The following NAALADL2 variants were observed in gnomAD, a reference collection of about 807,000 sequenced individuals.
NAALADL2 encodes inactive N-acetylated-alpha-linked acidic dipeptidase-like protein 2.
NAALADL2 carries 76 observed loss-of-function variants against 87.2 expected under a neutral mutation model. The ratio of observed to expected loss-of-function variants is 0.87; its 90% confidence interval spans 0.72 to 1.05. The LOEUF (loss-of-function observed/expected upper bound fraction) is 1.05, where lower values mean the gene tolerates loss of function less well. Ranked by LOEUF, NAALADL2 falls within the 50% of genes least tolerant of loss-of-function variation. The pLI is 0.00. For synonymous variants in NAALADL2, 354 were observed against 331.0 expected (o/e 1.07, Z -0.75); for missense variants, 1,089 against 945.8 (o/e 1.15, Z -1.99).
At chr3:174,935,545 CAATAGT>C (rs1349655194) in intron 1 of NAALADL2, among the ~76,000 whole-genome samples, 1 of 152,030 alleles carries the variant, frequency 6.6e-6, no homozygotes, top group African/African-American at 2.4e-5. Context: ...GATGGAGGGG[CAATAGT>C]ACTGGAAATA....
chr3:175,108,868 G>T (rs530389947), intron 2 of NAALADL2, among the ~76,000 whole-genome samples: 2 of 151,872 alleles, frequency 1.3e-5, no homozygotes, highest in African/African-American at 4.8e-5. Context: ...AATTGTGTCA[G>T]GTTTTTATAA....
At position 174,542,605 on chromosome 3, in the gene NAALADL2, G is replaced by A. The variant is rs116024083; in HGVS notation, c.-183-7964G>A. 3.4e-3 allele frequency among the ~76,000 whole-genome samples: 519 copies of A among 152,272 alleles called. 4 individuals carry two copies. The highest frequency in any genetic ancestry group is 0.012 in the African/African-American group (496 of 41,552). On this transcript the variant is annotated intron_variant, in intron 1 of 3. Coordinates refer to the NAALADL2 transcript ENST00000434257. The stretch of plus-strand genomic sequence containing the variant: ...ATCAAAGGTCCCAGGAAAGGTAAAA[G>A]CCAGATAAGACTTCAGAGGGTGCTT...
In NAALADL2 at chr3:175,319,801, C is replaced by T. The variant is rs534164656; in HGVS notation, c.940-4374C>T. Reference sequence around the variant, plus strand: ...CACCACTGCAATCCAGCCTGGGCGACAGAGCGAGACTGTGTTTCAAAAAAT... The same window carrying T: ...CACCACTGCAATCCAGCCTGGGCGATAGAGCGAGACTGTGTTTCAAAAAAT... On this transcript the variant is annotated intron_variant, in intron 4 of 13. Coordinates refer to ENST00000454872, the MANE Select transcript of NAALADL2 (RefSeq NM_207015.3). Among the ~76,000 whole-genome samples, 3 of 152,224 alleles carry T rather than the reference C, an allele frequency of 2.0e-5. No individual in the cohort carries two copies. In the East Asian group the frequency reaches 5.8e-4, roughly 29 times the overall value.
chr3:175,674,840 A>G (rs1734545530), intron 11 of NAALADL2, among the ~76,000 whole-genome samples: 1 of 152,214 alleles, frequency 6.6e-6, no homozygotes, highest in African/African-American at 2.4e-5. Context: ...AAAACACTGT[A>G]TAGGTACTTT....
At chr3:174,875,233 T>C (rs1028019827) in intron 1 of NAALADL2, among the ~76,000 whole-genome samples, 7 of 151,662 alleles carry the variant, frequency 4.6e-5, no homozygotes, top group Non-Finnish European at 1.0e-4. Context: ...AATTCTAGGA[T>C]TTCTGACTTA....
intron 11 of NAALADL2, chr3:175,655,694 A>G (rs1279120039): frequency 2.4e-5 from 3 of 124,936 alleles, no homozygotes; most frequent in African/African-American, 1.3e-4. Flanking sequence ...ACTTAAAAAA[A>G]TAAATAAAAT....
At chr3:175,244,964 G>A (rs1418605319) in intron 3 of NAALADL2, among the ~76,000 whole-genome samples, 2 of 152,118 alleles carry the variant, frequency 1.3e-5, no homozygotes, top group African/African-American at 4.8e-5. Context: ...GGGACCTTTT[G>A]TAACTCATTT....
At chr3:175,590,026 C>T (rs1721163013) in intron 10 of NAALADL2, among the ~76,000 whole-genome samples, 1 of 151,916 alleles carries the variant, frequency 6.6e-6, no homozygotes, top group South Asian at 2.1e-4. Context: ...TCCTGGCTAA[C>T]ACGGTGAAGC....
chr3:174,493,306 A>G (rs1718320015), intron 1 of NAALADL2, among the ~76,000 whole-genome samples: 1 of 152,202 alleles, frequency 6.6e-6, no homozygotes, highest in Non-Finnish European at 1.5e-5. Context: ...TCTTACTGAA[A>G]GAATAAATTT....
At position 175,017,285 on chromosome 3, in the gene NAALADL2, C is replaced by T. The variant is rs143806362; in HGVS notation, c.44-79505C>T. 4.1e-3 allele frequency among the ~76,000 whole-genome samples: 620 copies of T among 151,974 alleles called. 9 individuals carry two copies. The highest frequency in any genetic ancestry group is 0.014 in the African/African-American group (584 of 41,478). On this transcript the variant is annotated intron_variant, in intron 1 of 13. Coordinates refer to ENST00000454872, the MANE Select transcript of NAALADL2 (RefSeq NM_207015.3). ...AAATAAAATAGCCAGACACTATTTT[C>T]GAAGTTCCTGTTATGTTGTAAGCAT...
chr3:174,789,113 C>A (rs1717148998), intron 3 of NAALADL2, among the ~76,000 whole-genome samples: 1 of 152,094 alleles, frequency 6.6e-6, no homozygotes, highest in Non-Finnish European at 1.5e-5. Flanking sequence ...TGGAAGAGAG[C>A]AAAATGTTTT....
chr3:175,664,839 AT>A (rs908031193), intron 11 of NAALADL2, among the ~76,000 whole-genome samples: 12 of 151,912 alleles, frequency 7.9e-5, no homozygotes, highest in South Asian at 4.1e-4. Flanking sequence ...AAGTGGTTTG[AT>A]TTTTTTTCCT....
At chr3:175,748,765 G>C (rs771896999) in intron 12 of NAALADL2, among the ~76,000 whole-genome samples, 1 of 152,018 alleles carries the variant, frequency 6.6e-6, no homozygotes, top group Non-Finnish European at 1.5e-5. Context: ...GAGTAGGAAA[G>C]TCCAAAGAGA....
At chr3:174,842,347 G>A (rs59466819) in intron 3 of NAALADL2, among the ~76,000 whole-genome samples, 2,533 of 152,118 alleles carry the variant, frequency 0.017, 71 homozygotes, top group African/African-American at 0.059. Context: ...CACTGCACCT[G>A]GCCACATTTA....
chr3:175,191,152 A>G lies in NAALADL2; in HGVS notation c.546-42779A>G, dbSNP rs993136758. ...TGCCACAAAAAAGGAGGGAGGGCTA[A>G]CTATGTGAGATGATGAATATGTTAA... On this transcript the variant is annotated intron_variant, in intron 2 of 13. Transcript: ENST00000454872. 3.3e-5 allele frequency among the ~76,000 whole-genome samples: 5 copies of G among 152,288 alleles called. No homozygotes were observed. In the South Asian group the frequency reaches 1.0e-3, roughly 32 times the overall value.
At chr3:175,356,394 T>G (rs1416769898) in intron 5 of NAALADL2, among the ~76,000 whole-genome samples, 2 of 151,592 alleles carry the variant, frequency 1.3e-5, no homozygotes, top group African/African-American at 4.8e-5. Flanking sequence ...ACCAACATAG[T>G]GAGACCTCAT....
chr3:174,594,445 A>T (rs1177848180), intron 2 of NAALADL2, among the ~76,000 whole-genome samples: 1 of 152,202 alleles, frequency 6.6e-6, no homozygotes, highest in East Asian at 1.9e-4. Flanking sequence ...AATGCTTAGA[A>T]TAATCTCTAA....
At chr3:175,693,917 T>A (rs1353552410) in intron 11 of NAALADL2, among the ~76,000 whole-genome samples, 2 of 152,116 alleles carry the variant, frequency 1.3e-5, no homozygotes, top group Admixed American at 6.6e-5. Context: ...ATGGTCTTGA[T>A]CTCTTGACCT....
intron 1 of NAALADL2, among the ~76,000 whole-genome samples, chr3:174,987,273 T>C (rs948516617): frequency 6.6e-6 from 1 of 151,984 alleles, no homozygotes; most frequent in Admixed American, 6.6e-5. Flanking sequence ...TTTCCTACCA[T>C]CAAAACCAAT....
Sources: gnomAD v4.1 joint callset for allele counts (sites outside exome capture counted in the v4.1 genomes callset) on GRCh38, gnomAD v4.1.1 for gene constraint, MANE v1.5 for transcripts, NCBI Gene and HGNC (gene_info 2026-07-23, HGNC 2026-07-21) for gene names.